Variants in UBXN7 observed in about 807,000 individuals in gnomAD.
UBXN7 encodes UBX domain-containing protein 7.
UBXN7 carries 9 observed loss-of-function variants against 58.0 expected under a neutral mutation model. That is an observed-to-expected ratio of 0.16 (90% CI 0.09 to 0.27). UBXN7 has a LOEUF of 0.27. Among genes scored for constraint, UBXN7 ranks in the 10% least tolerant of loss-of-function variants. The pLI is 1.00. For synonymous variants in UBXN7, 208 were observed against 205.0 expected (o/e 1.01, Z -0.12); for missense variants, 328 against 599.6 (o/e 0.55, Z 4.73).
At chr3:196,377,638 C>A (rs572109242) in intron 5 of UBXN7, among the ~76,000 whole-genome samples, 3 of 151,872 alleles carry the variant, frequency 2.0e-5, no homozygotes. Context: ...ATACAGCCCC[C>A]CTCTCTCCTT....
chr3:196,364,560 T>A (rs1176944060), intron 8 of UBXN7, among the ~76,000 whole-genome samples: 1 of 151,776 alleles, frequency 6.6e-6, no homozygotes, highest in African/African-American at 2.4e-5. Context: ...AACTTTTGAA[T>A]ATGCTTAAAA....
In UBXN7 at chr3:196,362,466, G is replaced by A. The variant is rs1728532612; in HGVS notation, c.1056C>T (p.His352=). The A allele has an allele frequency of 6.2e-7, 1 of 1,614,102 alleles. No homozygotes were observed. Among genetic ancestry groups the A allele is most frequent in the African/African-American group, 1.3e-5 (1 of 75,008 alleles). ...CCTCTTTTCTATGCCCCAAATCTTT[G>A]TGGGGAGACTTTCTGGACTTGGCAA... is the stretch of plus-strand genomic sequence containing the variant. ...ENLAKSRKSP[H]KDLGHRKEEN... Residue 352 remains histidine (H), a synonymous_variant, in exon 9 of 11, where the codon CAC becomes CAT. Transcript: ENST00000296328.
At chr3:196,376,748 T>C (rs1729040939) in intron 5 of UBXN7, among the ~76,000 whole-genome samples, 1 of 151,714 alleles carries the variant, frequency 6.6e-6, no homozygotes, top group Non-Finnish European at 1.5e-5. Context: ...TTTTTCCTCA[T>C]GAAATAAGAA....
At chr3:196,382,067 C>T (rs973648553) in intron 5 of UBXN7, among the ~76,000 whole-genome samples, 3 of 152,186 alleles carry the variant, frequency 2.0e-5, no homozygotes, top group African/African-American at 7.2e-5. Context: ...AAACACTCTT[C>T]AGGACATTAT....
At position 196,421,970 on chromosome 3, in the gene UBXN7, G is replaced by A. The variant is rs143733261; in HGVS notation, c.73+10357C>T. 8.3e-4 allele frequency among the ~76,000 whole-genome samples: 127 copies of A among 152,132 alleles called. 3 individuals carry two copies. In the East Asian group the frequency reaches 0.017, roughly 20 times the overall value. ...TCCCAACACTTTGGGAGGTTGAGGC[G>A]GGCAGATCACTTGAGGCCAGGAGTT... On this transcript the variant is annotated intron_variant, in intron 1 of 10. Coordinates refer to ENST00000296328, the MANE Select transcript of UBXN7 (RefSeq NM_015562.2).
intron 1 of UBXN7, chr3:196,414,750 GCT>G (rs1462352293): frequency 6.6e-6 from 1 of 152,036 alleles, no homozygotes; most frequent in Non-Finnish European, 1.5e-5. Flanking sequence ...TCTGCTAGCT[GCT>G]CTGTCTCTCA....
intron 8 of UBXN7, among the ~76,000 whole-genome samples, chr3:196,366,760 A>G (rs1217806238): frequency 6.6e-6 from 1 of 152,078 alleles, no homozygotes. Flanking sequence ...ATGGTGATGC[A>G]CATCTGTGGT....
chr3:196,422,492 A>T (rs1053083297), intron 1 of UBXN7, among the ~76,000 whole-genome samples: 5 of 152,060 alleles, frequency 3.3e-5, no homozygotes, highest in African/African-American at 7.2e-5. Flanking sequence ...AAGAAAAAAA[A>T]AAAAGACAAT....
intron 2 of UBXN7, among the ~76,000 whole-genome samples, chr3:196,403,293 G>T (rs547364303): frequency 6.1e-4 from 92 of 152,032 alleles, no homozygotes; most frequent in Non-Finnish European, 1.1e-3. Context: ...TAGCAGCTGG[G>T]ACTACAGGCA....
chr3:196,423,524 T>C, intron 1 of UBXN7: 1 of 186,682 alleles, frequency 5.4e-6, no homozygotes. Context: ...CCAGCTGGCT[T>C]CACTGTATCC....
At chr3:196,381,644 A>G (rs1345051283) in intron 5 of UBXN7, among the ~76,000 whole-genome samples, 1 of 152,242 alleles carries the variant, frequency 6.6e-6, no homozygotes, top group Non-Finnish European at 1.5e-5. Flanking sequence ...TGACTTTGAC[A>G]AGTTGACAGA....
Position 196,361,938 on chromosome 3 carries a change from T to TAAAAA in UBXN7, c.1229-20_1229-16dup. ...TGCTTTTGGTCCTAAAGGAAGGGTT[T>TAAAAA]AAAAAAAAAAAAAAAACGGGATACA... is the stretch of plus-strand genomic sequence containing the variant. On this transcript the variant is annotated splice_polypyrimidine_tract_variant and intron_variant, in intron 9 of 10. Transcript: ENST00000296328. 3.5e-6 allele frequency: 5 copies of TAAAAA among 1,421,392 alleles called. No individual in the cohort carries two copies. Among genetic ancestry groups the TAAAAA allele is most frequent in the Non-Finnish European group, 4.8e-6 (5 of 1,043,160 alleles). 88.0% of individuals were successfully genotyped at this position (1,421,392 alleles called of 1,614,324 possible).
At chr3:196,360,927 G>A (rs572526882) in intron 10 of UBXN7, among the ~76,000 whole-genome samples, 8 of 152,206 alleles carry the variant, frequency 5.3e-5, no homozygotes, top group East Asian at 3.9e-4. Context: ...CACTTGAGCC[G>A]GGGCGGGGAG....
At position 196,349,341 on chromosome 3, in the gene UBXN7, A is replaced by C. The variant is rs1271299375; in HGVS notation, c.*7344T>G. 1 of 152,206 alleles carries C rather than the reference A, an allele frequency of 6.6e-6. No homozygotes were observed. The highest frequency in any genetic ancestry group is 1.5e-5 in the Non-Finnish European group (1 of 68,028). The allele number at this position is 152,206 out of a possible 1,614,324, so 9.4% of individuals were successfully genotyped here. On this transcript the variant is annotated 3_prime_UTR_variant, in exon 11 of 11. Coordinates refer to ENST00000296328, the MANE Select transcript of UBXN7 (RefSeq NM_015562.2). Reference sequence around the variant, plus strand: ...ACGCACTACTTTCACTCTCTCTAGCAGGTGAAAGGGGATTTTCTGATGGCA... The same window carrying C: ...ACGCACTACTTTCACTCTCTCTAGCCGGTGAAAGGGGATTTTCTGATGGCA...
At chr3:196,410,039 A>C (rs111844835) in intron 1 of UBXN7, among the ~76,000 whole-genome samples, 1,836 of 151,546 alleles carry the variant, frequency 0.012, 45 homozygotes, top group African/African-American at 0.043. Flanking sequence ...TTCAGGGTTC[A>C]AGCGATTCTC....
chr3:196,369,286 A>C, intron 7 of UBXN7, 135 bp downstream of exon 7: 1 of 695,678 alleles, frequency 1.4e-6, no homozygotes, highest in Admixed American at 2.9e-5. Context: ...AATAATTATA[A>C]AGGGAAAAAA....
chr3:196,358,622 T>C (rs1269457401), intron 10 of UBXN7, among the ~76,000 whole-genome samples: 1 of 152,022 alleles, frequency 6.6e-6, no homozygotes, highest in Non-Finnish European at 1.5e-5. Flanking sequence ...ACACCTGTAG[T>C]CCCAGCTACC....
chr3:196,361,777 AACCAAACAATTTGGG>A lies in UBXN7; in HGVS notation c.1308+52_1308+66del, dbSNP rs1326257513. ...AACATAACTTTTATATGCACCAGGA[AACCAAACAATTTGGG>A]ACTCGTCTTATTGCAGTGGTCGGAA... On this transcript the variant is annotated intron_variant, in intron 10 of 10. Transcript: ENST00000296328. 1.1e-5 allele frequency: 15 copies of A among 1,417,698 alleles called. No individual in the cohort carries two copies. The African/African-American group carries it at 1.7e-4, about 16-fold the overall frequency. 87.8% of individuals were successfully genotyped at this position (1,417,698 alleles called of 1,614,324 possible).
At chr3:196,363,457 C>T (rs1442944844) in intron 8 of UBXN7, among the ~76,000 whole-genome samples, 1 of 151,482 alleles carries the variant, frequency 6.6e-6, no homozygotes, top group Non-Finnish European at 1.5e-5. Flanking sequence ...AAGATCGAGA[C>T]CATCCTGGCC....
Sources: gnomAD v4.1 joint callset for allele counts (sites outside exome capture counted in the v4.1 genomes callset) on GRCh38, gnomAD v4.1.1 for gene constraint, MANE v1.5 for transcripts, NCBI Gene and HGNC (gene_info 2026-07-23, HGNC 2026-07-21) for gene names.